Variants in SKAP2 observed in about 807,000 individuals in gnomAD.
SKAP2 encodes the protein src kinase-associated phosphoprotein 2.
SKAP2 carries 28 observed loss-of-function variants against 54.9 expected under a neutral mutation model. The ratio of observed to expected loss-of-function variants is 0.51; its 90% CI spans 0.38 to 0.70. SKAP2 has a LOEUF of 0.70. Ranked by LOEUF, SKAP2 falls within the 30% of genes least tolerant of loss-of-function variation. SKAP2 has a pLI of 0.00. For synonymous variants in SKAP2, 137 were observed against 134.3 expected (o/e 1.02, Z -0.14); for missense variants, 356 against 424.1 (o/e 0.84, Z 1.41).
chr7:26,773,483 C>A (rs1199488929), intron 4 of SKAP2, among the ~76,000 whole-genome samples: 1 of 152,186 alleles, frequency 6.6e-6, no homozygotes, highest in Non-Finnish European at 1.5e-5. Flanking sequence ...TCAACAAATG[C>A]CAGTTTAATA....
intron 9 of SKAP2, among the ~76,000 whole-genome samples, chr7:26,714,275 T>A (rs1366961973): frequency 6.6e-6 from 1 of 152,120 alleles, no homozygotes; most frequent in Non-Finnish European, 1.5e-5. Context: ...ACTCAGACCT[T>A]GCAACTGAAT....
intron 4 of SKAP2, among the ~76,000 whole-genome samples, chr7:26,811,085 A>T (rs1366541063): frequency 1.3e-5 from 2 of 152,184 alleles, no homozygotes; most frequent in Non-Finnish European, 2.9e-5. Flanking sequence ...CAGAGCTTTC[A>T]TCTCTTATTT....
intron 4 of SKAP2, among the ~76,000 whole-genome samples, chr7:26,808,718 G>T (rs1178972036): frequency 1.3e-5 from 2 of 152,106 alleles, no homozygotes; most frequent in Non-Finnish European, 2.9e-5. Context: ...TACTTACTAG[G>T]CATGTAACCT....
At chr7:26,723,351 C>T (rs1157418778) in intron 9 of SKAP2, among the ~76,000 whole-genome samples, 1 of 152,106 alleles carries the variant, frequency 6.6e-6, no homozygotes, top group East Asian at 1.9e-4. Context: ...ACTAGACATT[C>T]CACAGCTGCC....
intron 4 of SKAP2, among the ~76,000 whole-genome samples, chr7:26,810,629 T>C (rs1784122517): frequency 6.6e-6 from 1 of 152,226 alleles, no homozygotes; most frequent in African/African-American, 2.4e-5. Context: ...CATTCTAAAA[T>C]GTATACACAT....
intron 4 of SKAP2, among the ~76,000 whole-genome samples, chr7:26,829,597 A>G (rs1784561640): frequency 6.6e-6 from 1 of 152,160 alleles, no homozygotes; most frequent in Non-Finnish European, 1.5e-5. Context: ...AAAATAAGAA[A>G]AGAATTTGAA....
intron 5 of SKAP2, among the ~76,000 whole-genome samples, chr7:26,739,521 T>C (rs1012644727): frequency 1.3e-5 from 2 of 152,156 alleles, no homozygotes; most frequent in African/African-American, 2.4e-5. Context: ...ATCTGAACCA[T>C]GGTGCATGCC....
At chr7:26,715,108 G>A (rs1787401162) in intron 9 of SKAP2, among the ~76,000 whole-genome samples, 1 of 152,192 alleles carries the variant, frequency 6.6e-6, no homozygotes, top group East Asian at 1.9e-4. Flanking sequence ...AAACATAAAA[G>A]CCTAGCCCCA....
chr7:26,848,508 C>T (rs569134646), intron 3 of SKAP2, among the ~76,000 whole-genome samples: 109 of 143,380 alleles, frequency 7.6e-4, no homozygotes, highest in Admixed American at 2.2e-3. Flanking sequence ...ACTTAGGTTC[C>T]GTCCCCCAAG....
At chr7:26,682,771 A>C (rs1218611679) in intron 11 of SKAP2, among the ~76,000 whole-genome samples, 5 of 152,208 alleles carry the variant, frequency 3.3e-5, no homozygotes, top group African/African-American at 1.2e-4. Flanking sequence ...TTTGTTCTCT[A>C]ATCAGGCTTC....
intron 4 of SKAP2, among the ~76,000 whole-genome samples, chr7:26,787,293 T>C (rs1562610160): frequency 1.3e-5 from 2 of 151,670 alleles, no homozygotes; most frequent in Middle Eastern, 3.2e-3. Flanking sequence ...TGTCAGCATC[T>C]GATTGGCTTC....
At chr7:26,685,903 G>A (rs1045867257) in intron 10 of SKAP2, among the ~76,000 whole-genome samples, 3 of 152,088 alleles carry the variant, frequency 2.0e-5, no homozygotes, top group Non-Finnish European at 4.4e-5. Context: ...GAATATATAC[G>A]TGCTAACAAC....
intron 6 of SKAP2, among the ~76,000 whole-genome samples, chr7:26,734,687 G>T (rs1318316568): frequency 6.6e-6 from 1 of 152,156 alleles, no homozygotes; most frequent in East Asian, 1.9e-4. Flanking sequence ...ATGCCACCTT[G>T]TTGCTGCATC....
At chr7:26,775,118 G>A (rs1166098056) in intron 4 of SKAP2, among the ~76,000 whole-genome samples, 3 of 152,012 alleles carry the variant, frequency 2.0e-5, no homozygotes, top group East Asian at 1.9e-4. Flanking sequence ...AACTCTCTTC[G>A]CTTTTCTCAT....
rs112898015 is a variant in SKAP2 at position 26,717,757 on chromosome 7, CG to C, written c.796+7670del. 1.9e-3 allele frequency among the ~76,000 whole-genome samples: 281 copies of C among 149,754 alleles called. 2 individuals carry two copies. Among genetic ancestry groups the C allele is most frequent in the African/African-American group, 6.5e-3 (266 of 40,850 alleles). On this transcript the variant is annotated intron_variant, in intron 9 of 12. Coordinates refer to ENST00000345317, the MANE Select transcript of SKAP2 (RefSeq NM_003930.5). The stretch of plus-strand genomic sequence containing the variant: ...TGAGGCAGGAAAATCACTTGAACCT[CG>C]GGGGTAGAGGTTGCAGGGAGTTGAG...
intron 4 of SKAP2, among the ~76,000 whole-genome samples, chr7:26,837,701 C>CAG (rs373951642): frequency 7.1e-4 from 108 of 152,214 alleles, no homozygotes; most frequent in African/African-American, 2.6e-3. Context: ...TAGGTGGAGA[C>CAG]AGATTTAGCG....
intron 9 of SKAP2, among the ~76,000 whole-genome samples, chr7:26,723,559 G>T (rs769667023): frequency 6.6e-6 from 1 of 151,938 alleles, no homozygotes; most frequent in African/African-American, 2.4e-5. Flanking sequence ...GGTGAGGAGG[G>T]GGGCAAGGAA....
Position 26,808,157 on chromosome 7 carries a change from T to C in SKAP2, c.307+35873A>G, listed in dbSNP as rs567018399. 6.3e-4 allele frequency among the ~76,000 whole-genome samples: 96 copies of C among 152,314 alleles called. 1 individual carries two copies. Among genetic ancestry groups the C allele is most frequent in the African/African-American group, 2.2e-3 (91 of 41,584 alleles). ...AATAATTAATACATCTGTATAGGGCTGTGGTCAAAAGTGTAGGCTCTGCAG... is the reference window on the plus strand; with the variant it reads ...AATAATTAATACATCTGTATAGGGCCGTGGTCAAAAGTGTAGGCTCTGCAG... On this transcript the variant is annotated intron_variant, in intron 4 of 12. Transcript: ENST00000345317.
chr7:26,808,964 A>G (rs1193743864), intron 4 of SKAP2, among the ~76,000 whole-genome samples: 2 of 152,234 alleles, frequency 1.3e-5, no homozygotes, highest in East Asian at 3.8e-4. Context: ...ATCAAACTAA[A>G]AAGTTTCTGT....
Sources: gnomAD v4.1 joint callset for allele counts (sites outside exome capture counted in the v4.1 genomes callset) on GRCh38, gnomAD v4.1.1 for gene constraint, MANE v1.5 for transcripts, NCBI Gene and HGNC (gene_info 2026-07-23, HGNC 2026-07-21) for gene names.